Variants in CDH13 observed in about 807,000 individuals in gnomAD.
CDH13 encodes cadherin 13, also known as cadherin-13.
Under a neutral mutation model 63.8 loss-of-function variants are expected in CDH13, and 24 were observed. That is an observed-to-expected ratio of 0.38 (90% CI 0.27 to 0.53). CDH13 has a LOEUF of 0.53. Among genes scored for constraint, CDH13 ranks in the 20% least tolerant of loss-of-function variants. CDH13 has a pLI of 0.85. For missense variants in CDH13, 1,049 were observed against 903.1 expected, an observed-to-expected ratio of 1.16 and a Z score of -2.07; for synonymous variants, 503 against 355.3, an observed-to-expected ratio of 1.42 and a Z score of -4.67.
At chr16:83,595,516 G>A (rs1197451265) in intron 7 of CDH13, among the ~76,000 whole-genome samples, 1 of 152,168 alleles carries the variant, frequency 6.6e-6, no homozygotes. Flanking sequence ...ACAGTCATAA[G>A]CAGCCCTTAA....
At chr16:82,665,818 C>T (rs1299683278) in intron 1 of CDH13, among the ~76,000 whole-genome samples, 2 of 152,106 alleles carry the variant, frequency 1.3e-5, no homozygotes, top group East Asian at 1.9e-4. Flanking sequence ...AGAGCACTTG[C>T]GTTAGCCTAC....
At chr16:83,164,072 C>T (rs2037559089) in intron 4 of CDH13, among the ~76,000 whole-genome samples, 1 of 152,014 alleles carries the variant, frequency 6.6e-6, no homozygotes, top group Admixed American at 6.6e-5. Flanking sequence ...CAGCTGGTAA[C>T]TGATCGGGAA....
At chr16:82,746,468 G>T (rs775657851) in intron 1 of CDH13, among the ~76,000 whole-genome samples, 2 of 151,978 alleles carry the variant, frequency 1.3e-5, no homozygotes, top group Non-Finnish European at 2.9e-5. Flanking sequence ...CTCCAGGTCA[G>T]CCACTACAAA....
intron 1 of CDH13, among the ~76,000 whole-genome samples, chr16:82,754,464 C>G (rs2034538444): frequency 6.6e-6 from 1 of 152,052 alleles, no homozygotes; most frequent in Non-Finnish European, 1.5e-5. Context: ...CCTTTCTAAC[C>G]AGCTTCCTAT....
In CDH13 at chr16:82,627,075, C is replaced by T. The variant is rs754668541; in HGVS notation, c.-18C>T. On this transcript the variant is annotated 5_prime_UTR_variant, in exon 1 of 14. Transcript: ENST00000567109. ...GTGCATGAATGAAAACGCCGCCGGGCGCTTCTAGTCGGACAAAATGCAGCC... is the reference window on the plus strand; with the variant it reads ...GTGCATGAATGAAAACGCCGCCGGGTGCTTCTAGTCGGACAAAATGCAGCC... 3 of 1,591,918 alleles carry T rather than the reference C, an allele frequency of 1.9e-6. No homozygotes were observed. Among genetic ancestry groups the T allele is most frequent in the African/African-American group, 1.3e-5 (1 of 74,454 alleles).
At chr16:82,896,770 C>CT (rs71382855) in intron 2 of CDH13, among the ~76,000 whole-genome samples, 598 of 55,574 alleles carry the variant, frequency 0.011, 67 homozygotes, top group Middle Eastern at 0.03. Context: ...CTGTGCAATT[C>CT]TTTTTTTTTT....
chr16:82,886,238 C>A (rs972906697), intron 2 of CDH13, among the ~76,000 whole-genome samples: 7 of 152,106 alleles, frequency 4.6e-5, no homozygotes, highest in Non-Finnish European at 7.4e-5. Context: ...AGTGAACATC[C>A]TTATTCAGTT....
chr16:83,149,275 A>G (rs2036875188), intron 4 of CDH13, among the ~76,000 whole-genome samples: 1 of 152,270 alleles, frequency 6.6e-6, no homozygotes, highest in Non-Finnish European at 1.5e-5. Context: ...AGGTTATTCC[A>G]TTAAACAAAG....
intron 5 of CDH13, among the ~76,000 whole-genome samples, chr16:83,284,703 G>A (rs2089265606): frequency 6.6e-6 from 1 of 151,882 alleles, no homozygotes; most frequent in African/African-American, 2.4e-5. Context: ...GTAAATATAA[G>A]TATAGTGAAT....
intron 2 of CDH13, among the ~76,000 whole-genome samples, chr16:82,909,252 A>G (rs370108596): frequency 8.8e-5 from 13 of 146,948 alleles, no homozygotes; most frequent in African/African-American, 1.8e-4. Context: ...CTGACTGTAT[A>G]TGTGTGTGTG....
chr16:82,643,844 G>A (rs1330139437), intron 1 of CDH13, among the ~76,000 whole-genome samples: 2 of 151,910 alleles, frequency 1.3e-5, no homozygotes, highest in African/African-American at 4.8e-5. Context: ...CTGAGCTCAA[G>A]CAACCCTCTT....
intron 3 of CDH13, among the ~76,000 whole-genome samples, chr16:83,070,240 C>T (rs563867754): frequency 3.9e-5 from 6 of 152,146 alleles, no homozygotes; most frequent in Admixed American, 6.5e-5. Context: ...TACATGTGGT[C>T]TCTTTCCCTA....
At chr16:83,370,871 G>C (rs911883018) in intron 6 of CDH13, among the ~76,000 whole-genome samples, 4 of 152,098 alleles carry the variant, frequency 2.6e-5, no homozygotes, top group Admixed American at 2.6e-4. Flanking sequence ...CCAGTCTACT[G>C]TTGATGGGCA....
intron 2 of CDH13, among the ~76,000 whole-genome samples, chr16:82,902,651 C>G (rs1382488516): frequency 3.3e-5 from 5 of 149,680 alleles, no homozygotes; most frequent in Non-Finnish European, 7.4e-5. Flanking sequence ...ATACATTAAT[C>G]AGTGTCATAT....
intron 1 of CDH13, among the ~76,000 whole-genome samples, chr16:82,797,866 G>A (rs1443037118): frequency 6.6e-6 from 1 of 151,036 alleles, no homozygotes; most frequent in East Asian, 2.0e-4. Flanking sequence ...TAGATCTGAT[G>A]CTTAATAAGA....
At chr16:83,432,843 C>T (rs2072164618) in intron 6 of CDH13, among the ~76,000 whole-genome samples, 1 of 152,212 alleles carries the variant, frequency 6.6e-6, no homozygotes, top group Admixed American at 6.5e-5. Flanking sequence ...ATTTAAAAAT[C>T]ACCACCACAC....
intron 7 of CDH13, among the ~76,000 whole-genome samples, chr16:83,562,877 T>C (rs1382497282): frequency 6.6e-6 from 1 of 152,190 alleles, no homozygotes; most frequent in African/African-American, 2.4e-5. Context: ...TAAAGGACCC[T>C]GAGTACTGTA....
At chr16:83,294,988 A>G (rs1021495083) in intron 5 of CDH13, among the ~76,000 whole-genome samples, 2 of 152,202 alleles carry the variant, frequency 1.3e-5, no homozygotes, top group African/African-American at 4.8e-5. Flanking sequence ...GTATACTACA[A>G]AGCTGTAACA....
intron 1 of CDH13, among the ~76,000 whole-genome samples, chr16:82,728,639 T>A (rs1293489733): frequency 6.6e-6 from 1 of 152,188 alleles, no homozygotes; most frequent in Middle Eastern, 3.2e-3. Flanking sequence ...CTTGCCTTGA[T>A]GTGACATTGA....
Sources: gnomAD v4.1 joint callset for allele counts (sites outside exome capture counted in the v4.1 genomes callset) on GRCh38, gnomAD v4.1.1 for gene constraint, MANE v1.5 for transcripts, NCBI Gene and HGNC (gene_info 2026-07-23, HGNC 2026-07-21) for gene names.